The following WRN variants were observed in gnomAD, a reference collection of about 807,000 sequenced individuals.
WRN encodes WRN RecQ like helicase, also known as bifunctional 3'-5' exonuclease/ATP-dependent helicase WRN.
Under a neutral mutation model 180.7 loss-of-function variants are expected in WRN, and 149 were observed. The ratio of observed to expected loss-of-function variants is 0.82; its 90% CI spans 0.72 to 0.94. The LOEUF (loss-of-function observed/expected upper bound fraction) is 0.94. Ranked by LOEUF, WRN falls within the 40% of genes least tolerant of loss-of-function variation. WRN has a pLI of 0.00. For missense variants in WRN, 1,661 were observed against 1,700.1 expected (o/e 0.98, Z 0.40); for synonymous variants, 548 against 568.9 (o/e 0.96, Z 0.52).
At chr8:31,129,153 A>T (rs922296174) in intron 23 of WRN, among the ~76,000 whole-genome samples, 1 of 151,556 alleles carries the variant, frequency 6.6e-6, no homozygotes, top group Non-Finnish European at 1.5e-5. Flanking sequence ...ATTAAAACAA[A>T]TTTTTTTTTG....
At chr8:31,044,776 G>A (rs1381124519) in intron 1 of WRN, among the ~76,000 whole-genome samples, 1 of 152,058 alleles carries the variant, frequency 6.6e-6, no homozygotes, top group Non-Finnish European at 1.5e-5. Flanking sequence ...TCTTTTACTG[G>A]CAGCTTAGTA....
chr8:31,107,268 T>C (rs1801133486), intron 18 of WRN, among the ~76,000 whole-genome samples: 2 of 152,146 alleles, frequency 1.3e-5, no homozygotes, highest in African/African-American at 4.8e-5. Context: ...TTTAGAATGG[T>C]TTAAAGTAAG....
rs1804147527 is a variant in WRN at position 31,172,679 on chromosome 8, A to C, written c.4192-316A>C. ...AACATTAAATTCACCATTTTGGTCAACTCAAAGCAAGTACACCATGGGACA... is the reference window on the plus strand; with the variant it reads ...AACATTAAATTCACCATTTTGGTCACCTCAAAGCAAGTACACCATGGGACA... On this transcript the variant is annotated intron_variant, in intron 34 of 34. Coordinates refer to ENST00000298139, the MANE Select transcript of WRN (RefSeq NM_000553.6). Among the ~76,000 whole-genome samples, 3 of 152,158 alleles carry C rather than the reference A, an allele frequency of 2.0e-5. No homozygotes were observed. The South Asian group carries it at 6.2e-4, about 31-fold the overall frequency.
In WRN at chr8:31,154,992, G is replaced by A. The variant is rs1338503255; in HGVS notation, c.3819+237G>A. On this transcript the variant is annotated intron_variant, in intron 32 of 34. Coordinates refer to ENST00000298139, the MANE Select transcript of WRN (RefSeq NM_000553.6). ...AATATCTTCTAGAGATTGTATCGGGGTACTGATAAACACATTTGTAGCTCA... is the reference window on the plus strand; with the variant it reads ...AATATCTTCTAGAGATTGTATCGGGATACTGATAAACACATTTGTAGCTCA... 2.6e-5 allele frequency among the ~76,000 whole-genome samples: 4 copies of A among 152,196 alleles called. No homozygotes were observed. The East Asian group carries it at 7.7e-4, about 29-fold the overall frequency.
intron 24 of WRN, among the ~76,000 whole-genome samples, chr8:31,140,029 T>TTTTA: frequency 8.0e-6 from 1 of 125,510 alleles, no homozygotes; most frequent in African/African-American, 3.3e-5. Flanking sequence ...TTTTTTTTTT[T>TTTTA]TTTTGAGACA....
intron 30 of WRN, among the ~76,000 whole-genome samples, chr8:31,149,867 A>C (rs555743678): frequency 1.9e-4 from 29 of 152,286 alleles, no homozygotes; most frequent in Non-Finnish European, 3.4e-4. Context: ...TGGACACAAT[A>C]AGAAATATTG....
rs1804191049 is a variant in WRN, at chr8:31,173,949, TTTGA to T, written c.*851_*854del. ...GCAGTTCACCATCCATTTCAAAGCCTTTGATTGGCTTTTTTGTAAATAAAAATAA... is the reference window on the plus strand; with the variant it reads ...GCAGTTCACCATCCATTTCAAAGCCTTTGGCTTTTTTGTAAATAAAAATAA... On this transcript the variant is annotated 3_prime_UTR_variant, in exon 35 of 35. Transcript: ENST00000298139. Among the ~76,000 whole-genome samples, 2 of 152,274 alleles carry T rather than the reference TTTGA, an allele frequency of 1.3e-5. No individual in the cohort carries two copies. Among genetic ancestry groups the T allele is most frequent in the South Asian group, 4.1e-4 (2 of 4,820 alleles).
chr8:31,156,167 A>G (rs1803377827), intron 32 of WRN, among the ~76,000 whole-genome samples: 1 of 152,232 alleles, frequency 6.6e-6, no homozygotes, highest in Non-Finnish European at 1.5e-5. Flanking sequence ...AACAGTTACT[A>G]AGAAAATTTG....
chr8:31,092,329 C>A (rs890823242), intron 16 of WRN, among the ~76,000 whole-genome samples: 1 of 151,848 alleles, frequency 6.6e-6, no homozygotes, highest in Non-Finnish European at 1.5e-5. Flanking sequence ...CAAAATCACA[C>A]AATGACTGGC....
At chr8:31,109,102 G>A (rs865932391) in intron 18 of WRN, among the ~76,000 whole-genome samples, 1 of 152,078 alleles carries the variant, frequency 6.6e-6, no homozygotes, top group Non-Finnish European at 1.5e-5. Flanking sequence ...CAGGCCTTTC[G>A]GCAGTACCGC....
intron 1 of WRN, among the ~76,000 whole-genome samples, chr8:31,044,340 T>G (rs1014589685): frequency 4.3e-5 from 5 of 116,290 alleles, no homozygotes; most frequent in South Asian, 2.9e-4. Context: ...TTGCCCGACC[T>G]TCTTTTTTTT....
rs1813720298 is a variant in WRN, at chr8:31,090,864, C to T, written c.1751C>T (p.Pro584Leu). ...GGAAAGAGTTTGTGCTTCCAGTATCCACCTGTTTATGTAGGCAAGATTGGC... is the reference window on the plus strand; with the variant it reads ...GGAAAGAGTTTGTGCTTCCAGTATCTACCTGTTTATGTAGGCAAGATTGGC... ...GYGKSLCFQY[P>L]PVYVGKIGLV... Residue 584 changes from proline to leucine, a missense_variant, in exon 15 of 35, where the codon CCA becomes CTA. Pro to Leu is a moderately conservative substitution (Grantham distance 98). This residue lies in a region of WRN where 1,141 missense variants were observed against 1,149.4 expected (regional missense o/e 0.99). Coordinates refer to ENST00000298139, the MANE Select transcript of WRN (RefSeq NM_000553.6). The T allele has an allele frequency of 2.5e-6, 4 of 1,610,956 alleles. No homozygotes were observed. Among genetic ancestry groups the T allele is most frequent in the Non-Finnish European group, 3.4e-6 (4 of 1,178,412 alleles).
chr8:31,088,833 C>A, intron 12 of WRN, 57 bp from the exon 13 acceptor site: 1 of 1,398,546 alleles, frequency 7.2e-7, no homozygotes, highest in South Asian at 1.2e-5. Context: ...ACTGTTTTCT[C>A]CCTCTATGTG....
intron 21 of WRN, among the ~76,000 whole-genome samples, chr8:31,122,591 T>A (rs2130332716): frequency 6.6e-6 from 1 of 152,146 alleles, no homozygotes; most frequent in Admixed American, 6.6e-5. Context: ...GTAATCTCGG[T>A]CCGGTAGATC....
chr8:31,060,594 T>C (rs1218676482), intron 3 of WRN, among the ~76,000 whole-genome samples: 4 of 152,198 alleles, frequency 2.6e-5, no homozygotes, highest in Non-Finnish European at 4.4e-5. Flanking sequence ...TTATTAATGG[T>C]CTTCTACTGG....
chr8:31,146,079 C>T (rs777211355), intron 28 of WRN, among the ~76,000 whole-genome samples: 32 of 151,860 alleles, frequency 2.1e-4, no homozygotes, highest in Non-Finnish European at 4.0e-4. Flanking sequence ...ACCCACTTTG[C>T]TCTTATTCAT....
intron 6 of WRN, among the ~76,000 whole-genome samples, chr8:31,068,055 T>C (rs773171657): frequency 7.9e-5 from 12 of 152,174 alleles, no homozygotes; most frequent in Non-Finnish European, 1.6e-4. Flanking sequence ...AAACAAACTT[T>C]TAAGGCTCAG....
At chr8:31,125,537 G>GATATAGATATATATAT (rs1801889207) in intron 23 of WRN, among the ~76,000 whole-genome samples, 1 of 63,766 alleles carries the variant, frequency 1.6e-5, no homozygotes, top group African/African-American at 5.8e-5. Flanking sequence ...ATATTATGGA[G>GATATAGATATATATAT]ATATATATAT....
intron 1 of WRN, among the ~76,000 whole-genome samples, chr8:31,051,242 CT>C (rs1812068039): frequency 6.6e-6 from 1 of 152,124 alleles, no homozygotes; most frequent in Non-Finnish European, 1.5e-5. Context: ...CAAAACCCAA[CT>C]TTCTCTTGAG....
Sources: gnomAD v4.1 joint callset for allele counts (sites outside exome capture counted in the v4.1 genomes callset) on GRCh38, gnomAD v4.1.1 for gene constraint, gnomAD v4.1.1 regional missense constraint, MANE v1.5 for transcripts, NCBI Gene and HGNC (gene_info 2026-07-23, HGNC 2026-07-21) for gene names.